Variants in HSD17B11 observed in about 807,000 individuals in gnomAD.
HSD17B11 encodes hydroxysteroid 17-beta dehydrogenase 11.
In HSD17B11, 22 loss-of-function variants were observed where a neutral mutation model predicts 27.8. That is an observed-to-expected ratio of 0.79 (90% confidence interval 0.56 to 1.13). The LOEUF (loss-of-function observed/expected upper bound fraction) is 1.13. Ranked by LOEUF, HSD17B11 falls within the 50% of genes most tolerant of loss-of-function variation. The pLI is 0.00. For synonymous variants in HSD17B11, 117 were observed against 132.8 expected, an observed-to-expected ratio of 0.88 and a Z score of 0.82; for missense variants, 314 against 351.1, an observed-to-expected ratio of 0.89 and a Z score of 0.84.
At chr4:87,379,268 G>A (rs1292624784) in intron 2 of HSD17B11, among the ~76,000 whole-genome samples, 1 of 150,030 alleles carries the variant, frequency 6.7e-6, no homozygotes, top group Non-Finnish European at 1.5e-5. Flanking sequence ...CAAAGTGCTG[G>A]GATTCTAGGC....
intron 4 of HSD17B11, among the ~76,000 whole-genome samples, chr4:87,371,182 G>T (rs901772581): frequency 6.6e-6 from 1 of 152,052 alleles, no homozygotes; most frequent in South Asian, 2.1e-4. Context: ...TATGTCATTC[G>T]TAAATAATAT....
At chr4:87,386,664 AT>A (rs1197749985) in intron 1 of HSD17B11, among the ~76,000 whole-genome samples, 2 of 152,174 alleles carry the variant, frequency 1.3e-5, no homozygotes, top group African/African-American at 4.8e-5. Flanking sequence ...ACTCTTCAAG[AT>A]TTCCCTTGGT....
At chr4:87,376,038 G>A (rs1008426925) in intron 2 of HSD17B11, among the ~76,000 whole-genome samples, 1 of 152,124 alleles carries the variant, frequency 6.6e-6, no homozygotes, top group South Asian at 2.1e-4. Flanking sequence ...CTTGTGAGTC[G>A]TTGTGGAAAC....
At position 87,341,529 on chromosome 4, in the gene HSD17B11, T is replaced by C. The variant is rs142746380; in HGVS notation, c.696-923A>G. Among the ~76,000 whole-genome samples the C allele has an allele frequency of 5.8e-3, 889 of 152,276 alleles. 6 individuals are homozygous for C. The highest frequency in any genetic ancestry group is 8.5e-3 in the Non-Finnish European group (581 of 68,014). Reference sequence around the variant, plus strand: ...TTTGTTGTGTAATCACTCAAGTATATGTACCACAGACTAGCAGGTGGCCCC... The same window carrying C: ...TTTGTTGTGTAATCACTCAAGTATACGTACCACAGACTAGCAGGTGGCCCC... On this transcript the variant is annotated intron_variant, in intron 5 of 6. Transcript: ENST00000358290.
chr4:87,360,798 A>T (rs1735495822), intron 4 of HSD17B11, among the ~76,000 whole-genome samples: 1 of 152,212 alleles, frequency 6.6e-6, no homozygotes, highest in Non-Finnish European at 1.5e-5. Context: ...CAACTGAAAG[A>T]GTGACAAAAT....
At chr4:87,386,601 A>C (rs1408456271) in intron 1 of HSD17B11, among the ~76,000 whole-genome samples, 1 of 152,240 alleles carries the variant, frequency 6.6e-6, no homozygotes, top group Non-Finnish European at 1.5e-5. Context: ...ATCTTCAAAA[A>C]AAAAATGAAT....
rs114145030 is a variant in HSD17B11 at position 87,343,496 on chromosome 4, C to T, written c.696-2890G>A. Among the ~76,000 whole-genome samples the T allele has an allele frequency of 4.4e-3, 667 of 151,666 alleles. 3 individuals are homozygous for T. Among genetic ancestry groups the T allele is most frequent in the African/African-American group, 0.016 (650 of 41,332 alleles). On this transcript the variant is annotated intron_variant, in intron 5 of 6. Coordinates refer to ENST00000358290, the MANE Select transcript of HSD17B11 (RefSeq NM_016245.5). ...TCGTCTGAAGGATTGTATTTGATGACCTACTTTAACCACTTAAGTAATGAG... is the reference window on the plus strand; with the variant it reads ...TCGTCTGAAGGATTGTATTTGATGATCTACTTTAACCACTTAAGTAATGAG...
chr4:87,344,630 A>G (rs1489560500), intron 5 of HSD17B11, among the ~76,000 whole-genome samples: 1 of 152,248 alleles, frequency 6.6e-6, no homozygotes, highest in African/African-American at 2.4e-5. Flanking sequence ...GAAGACTTGA[A>G]TAACACTATA....
chr4:87,370,199 C>T (rs758032879), intron 4 of HSD17B11, among the ~76,000 whole-genome samples: 1 of 152,046 alleles, frequency 6.6e-6, no homozygotes, highest in African/African-American at 2.4e-5. Context: ...GGCGTCAGAG[C>T]ATATATGATG....
At chr4:87,378,454 C>G (rs1437925751) in intron 2 of HSD17B11, among the ~76,000 whole-genome samples, 2 of 152,006 alleles carry the variant, frequency 1.3e-5, no homozygotes, top group Non-Finnish European at 2.9e-5. Context: ...GTATCCATCC[C>G]CTCAAGCATT....
At chr4:87,371,804 G>T (rs547601803) in intron 4 of HSD17B11, among the ~76,000 whole-genome samples, 2 of 152,282 alleles carry the variant, frequency 1.3e-5, no homozygotes, top group East Asian at 3.9e-4. Flanking sequence ...AGTAGTTCAG[G>T]CCAGTGATAG....
intron 2 of HSD17B11, among the ~76,000 whole-genome samples, chr4:87,377,860 G>A (rs1735866463): frequency 6.6e-6 from 1 of 152,178 alleles, no homozygotes. Context: ...ACTTTGTTAT[G>A]CATTTACATG....
intron 6 of HSD17B11, among the ~76,000 whole-genome samples, chr4:87,338,203 C>T (rs998144982): frequency 2.0e-5 from 3 of 151,900 alleles, no homozygotes; most frequent in South Asian, 4.1e-4. Context: ...GGCGACAGAG[C>T]GAGACTCCGT....
intron 4 of HSD17B11, among the ~76,000 whole-genome samples, chr4:87,363,028 G>T (rs1235090551): frequency 6.6e-6 from 1 of 152,132 alleles, no homozygotes; most frequent in Admixed American, 6.5e-5. Context: ...CCCAACTGGG[G>T]GTAAATTTAA....
chr4:87,341,275 G>A (rs1021573519), intron 5 of HSD17B11, among the ~76,000 whole-genome samples: 2 of 152,036 alleles, frequency 1.3e-5, no homozygotes, highest in South Asian at 4.1e-4. Context: ...GGGTTCAAGC[G>A]ATTTTCCTGC....
At chr4:87,370,677 A>T (rs1449046781) in intron 4 of HSD17B11, among the ~76,000 whole-genome samples, 11 of 150,626 alleles carry the variant, frequency 7.3e-5, no homozygotes, top group African/African-American at 2.7e-4. Flanking sequence ...TCGGCCTCCC[A>T]AAGTGCTGGG....
intron 5 of HSD17B11, among the ~76,000 whole-genome samples, chr4:87,353,730 TA>T (rs995679832): frequency 2.2e-4 from 31 of 143,172 alleles, no homozygotes; most frequent in East Asian, 9.9e-4. Flanking sequence ...TGCGGCCTTG[TA>T]GGGGGGGCAA....
chr4:87,356,364 C>G (rs1197544209), intron 5 of HSD17B11, among the ~76,000 whole-genome samples: 1 of 152,210 alleles, frequency 6.6e-6, no homozygotes, highest in Non-Finnish European at 1.5e-5. Flanking sequence ...CTAAAAACAA[C>G]CCTAAAATCA....
intron 5 of HSD17B11, among the ~76,000 whole-genome samples, chr4:87,343,578 C>T (rs75400391): frequency 3.6e-5 from 5 of 138,380 alleles, no homozygotes; most frequent in South Asian, 2.2e-4. Flanking sequence ...GACAGAGTCT[C>T]GCTCTGTCGC....
Sources: allele counts gnomAD v4.1 joint callset (sites outside exome capture counted in the v4.1 genomes callset), GRCh38; gene constraint gnomAD v4.1.1; transcripts MANE v1.5; gene names NCBI Gene and HGNC (gene_info 2026-07-23, HGNC 2026-07-21).